PLEKHA2: variants seen among roughly 807,000 people sequenced by gnomAD.
PLEKHA2 encodes the protein pleckstrin homology domain containing A2.
In PLEKHA2, 28 loss-of-function variants were observed where a neutral mutation model predicts 53.2. The observed-to-expected ratio is 0.53, with a 90% CI of 0.39 to 0.72. PLEKHA2 has a LOEUF of 0.72. Among genes scored for constraint, PLEKHA2 ranks in the 30% least tolerant of loss-of-function variants. The pLI is 0.00. For synonymous variants in PLEKHA2, 193 were observed against 196.4 expected (o/e 0.98, Z 0.14); for missense variants, 426 against 537.9 (o/e 0.79, Z 2.06).
At chr8:38,920,863 C>T (rs12678099) in intron 2 of PLEKHA2, among the ~76,000 whole-genome samples, 17,944 of 151,608 alleles carry the variant, frequency 0.12, 1,273 homozygotes, top group South Asian at 0.2. Flanking sequence ...TGCAATGGCG[C>T]GATCTCAGCT....
At chr8:38,915,685 A>G (rs1834047532) in intron 1 of PLEKHA2, among the ~76,000 whole-genome samples, 1 of 152,220 alleles carries the variant, frequency 6.6e-6, no homozygotes, top group Admixed American at 6.5e-5. Flanking sequence ...TAACAATGAC[A>G]GTGGAGTGAT....
intron 2 of PLEKHA2, among the ~76,000 whole-genome samples, chr8:38,935,238 A>G (rs914420840): frequency 1.3e-5 from 2 of 151,814 alleles, no homozygotes; most frequent in African/African-American, 4.8e-5. Context: ...CGAACTCCTG[A>G]CTTGAGGTGA....
chr8:38,945,408 T>C (rs1412571860), intron 4 of PLEKHA2, among the ~76,000 whole-genome samples: 3 of 152,194 alleles, frequency 2.0e-5, no homozygotes, highest in African/African-American at 7.2e-5. Flanking sequence ...TTCAAGCTTA[T>C]GCTAAGAGAA....
At chr8:38,931,193 G>T (rs1159660706) in intron 2 of PLEKHA2, among the ~76,000 whole-genome samples, 1 of 152,170 alleles carries the variant, frequency 6.6e-6, no homozygotes, top group Non-Finnish European at 1.5e-5. Flanking sequence ...CACGAGAATT[G>T]CTTGAACCCG....
At chr8:38,941,890 A>G (rs1381456861) in intron 3 of PLEKHA2, among the ~76,000 whole-genome samples, 1 of 152,172 alleles carries the variant, frequency 6.6e-6, no homozygotes, top group Non-Finnish European at 1.5e-5. Context: ...TTGATCTTTT[A>G]TAAGGTGCCA....
intron 2 of PLEKHA2, among the ~76,000 whole-genome samples, chr8:38,918,395 T>TAC (rs1834102226): frequency 1.5e-5 from 2 of 134,038 alleles, no homozygotes; most frequent in African/African-American, 2.9e-5. Context: ...ATACCCCCCA[T>TAC]ACACATACCA....
At chr8:38,956,969 C>T (rs1401784428) in intron 9 of PLEKHA2, among the ~76,000 whole-genome samples, 1 of 152,050 alleles carries the variant, frequency 6.6e-6, no homozygotes, top group African/African-American at 2.4e-5. Context: ...ACTTCATACA[C>T]CTTAGAGGGA....
chr8:38,934,263 A>G (rs868865877), intron 2 of PLEKHA2, among the ~76,000 whole-genome samples: 102 of 152,078 alleles, frequency 6.7e-4, no homozygotes, highest in African/African-American at 2.4e-3. Context: ...AAGTGCTGAG[A>G]TTACAGGTGT....
intron 5 of PLEKHA2, among the ~76,000 whole-genome samples, chr8:38,949,175 T>C (rs754506613): frequency 2.6e-5 from 4 of 151,796 alleles, no homozygotes; most frequent in Non-Finnish European, 4.4e-5. Flanking sequence ...CTGGCCGACA[T>C]TCAGCTGTTA....
intron 1 of PLEKHA2, among the ~76,000 whole-genome samples, chr8:38,917,561 C>T (rs139954040): frequency 1.4e-4 from 21 of 152,138 alleles, no homozygotes; most frequent in African/African-American, 2.2e-4. Context: ...CTGAGGCACA[C>T]GAAGGTTAAA....
At chr8:38,911,005 A>G (rs1459955460) in intron 1 of PLEKHA2, among the ~76,000 whole-genome samples, 1 of 152,188 alleles carries the variant, frequency 6.6e-6, no homozygotes, top group Admixed American at 6.5e-5. Context: ...GCATTGTTAT[A>G]TTATGATTTT....
chr8:38,913,415 A>G (rs1420481868), intron 1 of PLEKHA2, among the ~76,000 whole-genome samples: 1 of 151,668 alleles, frequency 6.6e-6, no homozygotes, highest in Non-Finnish European at 1.5e-5. Flanking sequence ...CCTGCAGGCT[A>G]AAAAGGGGAA....
Position 38,968,616 on chromosome 8 carries a change from A to C in PLEKHA2, c.862A>C (p.Ser288Arg). The C allele has an allele frequency of 6.2e-7, 1 of 1,614,030 alleles. No homozygotes were observed. The highest frequency in any genetic ancestry group is 8.5e-7 in the Non-Finnish European group (1 of 1,179,894). The stretch of plus-strand genomic sequence containing the variant: ...GGCAGACAGTCCAGAAGACATGCAC[A>C]GCTGGATTAAGGAGATTGGCGCAGC... ...VQADSPEDMHSWIKEIGAAVQ... is the reference protein window; with the variant it reads ...VQADSPEDMHRWIKEIGAAVQ... Residue 288 changes from serine (S) to arginine (R), a missense_variant, in exon 11 of 12, where the codon AGC becomes CGC. By Grantham distance (110) the Ser-to-Arg change is moderately radical (BLOSUM62 -1). Transcript: ENST00000617275.
intron 9 of PLEKHA2, 49 bp from the exon 10 acceptor site, chr8:38,957,274 C>A: frequency 1.3e-6 from 2 of 1,487,220 alleles, no homozygotes; most frequent in South Asian, 1.1e-5. Flanking sequence ...ATCGAGTCCT[C>A]TCTGAGTATG....
chr8:38,925,452 T>C (rs1259799977), intron 2 of PLEKHA2, among the ~76,000 whole-genome samples: 3 of 152,226 alleles, frequency 2.0e-5, no homozygotes, highest in Non-Finnish European at 4.4e-5. Context: ...AACACAATAT[T>C]GCACTAGATT....
intron 7 of PLEKHA2, 74 bp from the exon 8 acceptor site, chr8:38,952,562 G>A: frequency 1.3e-6 from 2 of 1,499,538 alleles, no homozygotes; most frequent in Non-Finnish European, 1.8e-6. Flanking sequence ...GTCCTTGGGA[G>A]CTTAGCATGA....
At chr8:38,961,491 C>G (rs1478281263) in intron 10 of PLEKHA2, among the ~76,000 whole-genome samples, 4 of 150,660 alleles carry the variant, frequency 2.7e-5, no homozygotes, top group African/African-American at 9.8e-5. Flanking sequence ...GAGCCGAGAT[C>G]ACACCACTGC....
At chr8:38,902,230 T>C (rs867300605) in intron 1 of PLEKHA2, among the ~76,000 whole-genome samples, 2 of 86,148 alleles carry the variant, frequency 2.3e-5, no homozygotes, top group Non-Finnish European at 5.0e-5. Flanking sequence ...TGGGGGGGGG[T>C]GGTGGGAAGC....
intron 10 of PLEKHA2, among the ~76,000 whole-genome samples, chr8:38,965,944 G>T (rs1314251254): frequency 6.6e-6 from 1 of 152,128 alleles, no homozygotes; most frequent in African/African-American, 2.4e-5. Context: ...TATTTGTAAA[G>T]AACCTTCTGG....
Sources: gnomAD v4.1 joint callset for allele counts (sites outside exome capture counted in the v4.1 genomes callset) on GRCh38, gnomAD v4.1.1 for gene constraint, MANE v1.5 for transcripts, NCBI Gene and HGNC (gene_info 2026-07-23, HGNC 2026-07-21) for gene names.